The following ANK2 variants were observed in gnomAD, a reference collection of about 807,000 sequenced individuals.
ANK2 encodes ankyrin-2.
Under a neutral mutation model 360.5 loss-of-function variants are expected in ANK2, and 83 were observed. The observed-to-expected ratio is 0.23, with a 90% CI of 0.19 to 0.28. The LOEUF is 0.28. Ranked by LOEUF, ANK2 falls within the 10% of genes least tolerant of loss-of-function variation. The pLI, the probability that ANK2 is intolerant of heterozygous loss-of-function variation, is 1.00. For synonymous variants in ANK2, 1,740 were observed against 1,759.5 expected, an observed-to-expected ratio of 0.99 and a Z score of 0.28; for missense variants, 4,201 against 4,795.7, an observed-to-expected ratio of 0.88 and a Z score of 3.66.
chr4:113,304,396 G>A (rs1403824998), intron 23 of ANK2, among the ~76,000 whole-genome samples: 1 of 152,138 alleles, frequency 6.6e-6, no homozygotes, highest in East Asian at 1.9e-4. Flanking sequence ...TTTTGAAATA[G>A]CATGTGTAAT....
At chr4:112,810,934 T>C in the ANK2 span, among the ~76,000 whole-genome samples, 58,642 of 134,986 alleles carry the variant, frequency 0.43, 12,216 homozygotes, top group Middle Eastern at 0.49. Flanking sequence ...TTCTTTCTTT[T>C]TTTTTTTTTT....
intron 2 of ANK2, among the ~76,000 whole-genome samples, chr4:113,013,973 C>G (rs1410501183): frequency 6.6e-6 from 1 of 151,912 alleles, no homozygotes; most frequent in Non-Finnish European, 1.5e-5. Context: ...GCAACTGTTT[C>G]ATTCCAATCT....
In ANK2 at chr4:113,356,274, C is replaced by G; in HGVS notation, c.7656C>G (p.Pro2552=). Residue 2552 remains proline (P), a synonymous_variant, in exon 38 of 46, where the codon CCC becomes CCG. Transcript: ENST00000357077. ...AAGAAGTCAGCTATGAGGTTACACCCAAAACCACAGATGTAAGTACACCAA... is the reference window on the plus strand; with the variant it reads ...AAGAAGTCAGCTATGAGGTTACACCGAAAACCACAGATGTAAGTACACCAA... ...SSEEVSYEVT[P]KTTDVSTPKP... The G allele has an allele frequency of 6.2e-7, 1 of 1,614,038 alleles. No homozygotes were observed. Among genetic ancestry groups the G allele is most frequent in the African/African-American group, 1.3e-5 (1 of 75,008 alleles).
chr4:112,851,589 C>T (rs1309344418), intron 1 of ANK2, among the ~76,000 whole-genome samples: 1 of 152,068 alleles, frequency 6.6e-6, no homozygotes, highest in Non-Finnish European at 1.5e-5. Flanking sequence ...CCCTCATGTG[C>T]CATAGAGTCG....
intron 4 of ANK2, among the ~76,000 whole-genome samples, chr4:113,219,021 T>C (rs1406651338): frequency 6.6e-6 from 1 of 152,170 alleles, no homozygotes; most frequent in East Asian, 1.9e-4. Flanking sequence ...CATAGGCCTA[T>C]ACAAAGTAGT....
intron 1 of ANK2, among the ~76,000 whole-genome samples, chr4:113,088,619 GA>G (rs912974713): frequency 6.6e-6 from 1 of 151,556 alleles, no homozygotes; most frequent in Non-Finnish European, 1.5e-5. Flanking sequence ...ATGTTATTTA[GA>G]AAAGGACGTT....
intron 2 of ANK2, among the ~76,000 whole-genome samples, chr4:112,967,657 GTCT>G (rs2037837283): frequency 1.3e-5 from 2 of 152,158 alleles, no homozygotes; most frequent in Admixed American, 1.3e-4. Flanking sequence ...ATGATTGAAT[GTCT>G]TCTTTAAAAA....
intron 23 of ANK2, among the ~76,000 whole-genome samples, chr4:113,305,136 C>T (rs1005795505): frequency 5.3e-5 from 8 of 151,136 alleles, no homozygotes; most frequent in African/African-American, 1.9e-4. Context: ...GTCAGGAGAT[C>T]GAGACCATCC....
chr4:112,801,888 A>G, the ANK2 span, among the ~76,000 whole-genome samples: 1 of 152,176 alleles, frequency 6.6e-6, no homozygotes, highest in African/African-American at 2.4e-5. Flanking sequence ...TATGTTCTGG[A>G]AAGATAACTC....
At chr4:112,724,461 G>A in the ANK2 span, among the ~76,000 whole-genome samples, 1 of 151,976 alleles carries the variant, frequency 6.6e-6, no homozygotes, top group African/African-American at 2.4e-5. Context: ...TAGGAATGCA[G>A]CAGTGACAAA....
intron 2 of ANK2, among the ~76,000 whole-genome samples, chr4:113,027,802 A>G (rs966449086): frequency 6.6e-6 from 1 of 152,152 alleles, no homozygotes; most frequent in African/African-American, 2.4e-5. Context: ...TTTCTCAAAA[A>G]CAAAGCTCAC....
At chr4:113,163,431 G>T (rs572901687) in intron 1 of ANK2, among the ~76,000 whole-genome samples, 1 of 151,914 alleles carries the variant, frequency 6.6e-6, no homozygotes, top group African/African-American at 2.4e-5. Context: ...ATGGGCTTTT[G>T]TCATCTTACA....
intron 2 of ANK2, among the ~76,000 whole-genome samples, chr4:112,939,609 C>T (rs1363367302): frequency 1.3e-5 from 2 of 152,170 alleles, no homozygotes; most frequent in Non-Finnish European, 2.9e-5. Flanking sequence ...GCCACCATGC[C>T]CGGCCAGTTC....
rs778145810 is a variant in ANK2, at chr4:113,355,344, G to A, written c.6726G>A (p.Thr2242=). 2.9e-5 allele frequency: 47 copies of A among 1,613,868 alleles called. No homozygotes were observed. The highest frequency in any genetic ancestry group is 2.9e-4 in the East Asian group (13 of 44,872). ...AAGGCCTAGCAGAGACCCCTGAGACGAGCCCAGAAAGCCTTTCTTTCTCAC... is the reference window on the plus strand; with the variant it reads ...AAGGCCTAGCAGAGACCCCTGAGACAAGCCCAGAAAGCCTTTCTTTCTCAC... ...KHEGLAETPE[T]SPESLSFSPK... The change falls in exon 38 of 46, where the codon ACG becomes ACA. Residue 2242 remains threonine, a synonymous_variant. Coordinates refer to ENST00000357077, the MANE Select transcript of ANK2 (RefSeq NM_001148.6).
intron 45 of ANK2, chr4:113,374,832 T>C: frequency 7.9e-7 from 1 of 1,270,484 alleles, no homozygotes; most frequent in Non-Finnish European, 1.0e-6. Context: ...TGGAAGGCCG[T>C]AGAGTCAGCA....
chr4:112,826,725 C>A, intron 1 of ANK2: 1 of 833,020 alleles, frequency 1.2e-6, no homozygotes, highest in Non-Finnish European at 2.0e-6. Flanking sequence ...CACCATAATA[C>A]CTACCAGTCA....
chr4:113,166,614 T>C (rs888686377), intron 1 of ANK2, among the ~76,000 whole-genome samples: 2 of 152,054 alleles, frequency 1.3e-5, no homozygotes, highest in African/African-American at 4.8e-5. Flanking sequence ...TTGGTTTTTT[T>C]CTTTTTGGTA....
chr4:112,723,225 G>A, the ANK2 span, among the ~76,000 whole-genome samples: 10 of 152,286 alleles, frequency 6.6e-5, no homozygotes, highest in South Asian at 1.9e-3. Flanking sequence ...TTTCATTACT[G>A]CAGTGGAAGG....
At chr4:112,970,039 G>A (rs951148243) in intron 2 of ANK2, among the ~76,000 whole-genome samples, 98 of 151,478 alleles carry the variant, frequency 6.5e-4, no homozygotes, top group African/African-American at 2.1e-3. Context: ...GCTGGAGTGC[G>A]ATGGTGCTAT....
Sources: gnomAD v4.1 joint callset for allele counts (sites outside exome capture counted in the v4.1 genomes callset) on GRCh38, gnomAD v4.1.1 for gene constraint, MANE v1.5 for transcripts, NCBI Gene and HGNC (gene_info 2026-07-23, HGNC 2026-07-21) for gene names.